Variants in SYTL2 observed in about 807,000 individuals in gnomAD.
The protein encoded by SYTL2 is synaptotagmin-like protein 2.
SYTL2 carries 165 observed loss-of-function variants against 198.7 expected under a neutral mutation model. The ratio of observed to expected loss-of-function variants is 0.83; its 90% CI spans 0.73 to 0.94. The LOEUF (loss-of-function observed/expected upper bound fraction) is 0.94. SYTL2 is among the 40% of genes least tolerant of loss of function. SYTL2 has a pLI of 0.00. For missense variants in SYTL2, 2,835 were observed against 2,582.8 expected (o/e 1.10, Z -2.12); for synonymous variants, 966 against 917.7 (o/e 1.05, Z -0.95).
intron 2 of SYTL2, among the ~76,000 whole-genome samples, chr11:85,753,710 A>G (rs1479962509): frequency 6.8e-6 from 1 of 147,632 alleles, no homozygotes; most frequent in East Asian, 2.0e-4. Flanking sequence ...GGCTGCACTG[A>G]GCTATGATTG....
intron 1 of SYTL2, among the ~76,000 whole-genome samples, chr11:85,766,735 G>A (rs746937233): frequency 2.0e-5 from 3 of 152,104 alleles, no homozygotes; most frequent in Non-Finnish European, 4.4e-5. Context: ...TGGAAAGGAG[G>A]GCAGATACTG....
chr11:85,772,767 A>T (rs1190817952), intron 1 of SYTL2, among the ~76,000 whole-genome samples: 1 of 152,222 alleles, frequency 6.6e-6, no homozygotes, highest in Non-Finnish European at 1.5e-5. Flanking sequence ...AACCCTAATG[A>T]GCAAATTTCA....
intron 1 of SYTL2, among the ~76,000 whole-genome samples, chr11:85,764,614 C>A (rs1177288988): frequency 1.3e-5 from 2 of 152,242 alleles, no homozygotes; most frequent in Admixed American, 1.3e-4. Context: ...CCTGCTGTTT[C>A]TCCCTCTGTA....
At chr11:85,743,895 C>G (rs1209248051) in intron 4 of SYTL2, among the ~76,000 whole-genome samples, 1 of 152,080 alleles carries the variant, frequency 6.6e-6, no homozygotes, top group Non-Finnish European at 1.5e-5. Context: ...CTGCTCCCTC[C>G]TCCCTCAGCT....
the SYTL2 span, among the ~76,000 whole-genome samples, chr11:85,832,821 G>C: frequency 2.0e-5 from 3 of 149,540 alleles, no homozygotes; most frequent in Admixed American, 6.7e-5. Flanking sequence ...GTGAGACCTT[G>C]TATCTACAAA....
intron 1 of SYTL2, among the ~76,000 whole-genome samples, chr11:85,773,116 A>ACTTTC (rs966199827): frequency 6.6e-6 from 1 of 152,138 alleles, no homozygotes; most frequent in African/African-American, 2.4e-5. Context: ...TGAGTGTTTC[A>ACTTTC]CTTTCCTTTC....
chr11:85,781,079 T>C (rs186908148), intron 1 of SYTL2, among the ~76,000 whole-genome samples: 2 of 152,332 alleles, frequency 1.3e-5, no homozygotes, highest in South Asian at 2.1e-4. Flanking sequence ...TCCATTCCAA[T>C]GCTGCTAATG....
At chr11:85,832,433 C>A in the SYTL2 span, among the ~76,000 whole-genome samples, 1 of 152,058 alleles carries the variant, frequency 6.6e-6, no homozygotes, top group African/African-American at 2.4e-5. Context: ...TGCACCAGGC[C>A]CTACGTTAGA....
chr11:85,707,001 G>A (rs2085282039), intron 15 of SYTL2, among the ~76,000 whole-genome samples: 2 of 151,908 alleles, frequency 1.3e-5, no homozygotes, highest in African/African-American at 2.4e-5. Context: ...CCACCATGCT[G>A]GCTCATTTTT....
chr11:85,697,872 A>C (rs568195236), intron 18 of SYTL2, 107 bp downstream of exon 18: 1 of 663,200 alleles, frequency 1.5e-6, no homozygotes, highest in Non-Finnish European at 2.6e-6. Context: ...AAGTAAATTC[A>C]TTTAAATTAT....
Position 85,726,770 on chromosome 11 carries a change from T to C in SYTL2, c.2588A>G (p.Asp863Gly), listed in dbSNP as rs190912157. ...AGAATTGGAGAGCTGGGATGCTTGATCATCCTCATCTAAGACCACTCGTTT... is the reference window on the plus strand; with the variant it reads ...AGAATTGGAGAGCTGGGATGCTTGACCATCCTCATCTAAGACCACTCGTTT... ...IPKRVVLDED[D>G]QASQLSNSYS... The change falls in exon 8 of 20, where the codon GAT becomes GGT. Residue 863 changes from aspartate to glycine, a missense_variant. This residue lies in a region of SYTL2 where 2,645 missense variants were observed against 2,381.7 expected (regional missense o/e 1.11). Coordinates refer to ENST00000359152, the MANE Select transcript of SYTL2 (RefSeq NM_206927.4). The C allele has an allele frequency of 5.2e-6, 8 of 1,536,188 alleles. No homozygotes were observed. The highest frequency in any genetic ancestry group is 2.4e-5 in the East Asian group (1 of 40,918).
At chr11:85,714,307 T>A in intron 12 of SYTL2, 106 bp downstream of exon 12, 1 of 886,588 alleles carries the variant, frequency 1.1e-6, no homozygotes. Flanking sequence ...CCAGTCCTTC[T>A]GACCTCTTTG....
At position 85,721,625 on chromosome 11, in the gene SYTL2, G is replaced by A. The variant is rs73502596; in HGVS notation, c.5327-666C>T. 7.5e-3 allele frequency among the ~76,000 whole-genome samples: 1,143 copies of A among 152,210 alleles called. 9 individuals carry two copies. Among genetic ancestry groups the A allele is most frequent in the African/African-American group, 0.026 (1,073 of 41,528 alleles). On this transcript the variant is annotated intron_variant, in intron 8 of 19. Coordinates refer to ENST00000359152, the MANE Select transcript of SYTL2 (RefSeq NM_206927.4). ...TTAAGTACTGACATTTATTACTGCT[G>A]TATTCTCAGTGCCTAGAACAGTGGC...
intron 1 of SYTL2, among the ~76,000 whole-genome samples, chr11:85,759,219 C>T (rs2092014299): frequency 1.4e-5 from 2 of 145,408 alleles, no homozygotes; most frequent in African/African-American, 5.1e-5. Context: ...GCACTCCAGC[C>T]TGGGTGACAG....
chr11:85,767,345 A>C (rs888977166), intron 1 of SYTL2, among the ~76,000 whole-genome samples: 10 of 152,326 alleles, frequency 6.6e-5, no homozygotes, highest in African/African-American at 2.4e-4. Context: ...CTGGCTAATA[A>C]ATGGTTTGGG....
chr11:85,800,567 C>G (rs1015330749), intron 1 of SYTL2, among the ~76,000 whole-genome samples: 6 of 152,178 alleles, frequency 3.9e-5, no homozygotes, highest in African/African-American at 1.4e-4. Flanking sequence ...GAATGAGCCA[C>G]TATGCCTGGC....
intron 2 of SYTL2, among the ~76,000 whole-genome samples, chr11:85,756,051 C>G (rs1452167118): frequency 1.3e-5 from 2 of 152,170 alleles, no homozygotes; most frequent in Non-Finnish European, 2.9e-5. Flanking sequence ...CTATGCTCCC[C>G]CACCTCCTGC....
At chr11:85,795,064 A>C (rs1393809859) in intron 1 of SYTL2, among the ~76,000 whole-genome samples, 1 of 152,152 alleles carries the variant, frequency 6.6e-6, no homozygotes, top group Non-Finnish European at 1.5e-5. Flanking sequence ...CACTGGTAAA[A>C]TATCTACTTA....
chr11:85,789,218 T>C (rs1345637269), intron 1 of SYTL2, among the ~76,000 whole-genome samples: 1 of 149,084 alleles, frequency 6.7e-6, no homozygotes, highest in Admixed American at 6.8e-5. Flanking sequence ...CATCTCAGCC[T>C]CCTGAGTAGC....
Sources: gnomAD v4.1 joint callset for allele counts (sites outside exome capture counted in the v4.1 genomes callset) on GRCh38, gnomAD v4.1.1 for gene constraint, gnomAD v4.1.1 regional missense constraint, MANE v1.5 for transcripts, NCBI Gene and HGNC (gene_info 2026-07-23, HGNC 2026-07-21) for gene names.